Variants in ZCWPW2 observed in about 807,000 individuals in gnomAD.
The protein encoded by ZCWPW2 is zinc finger CW-type PWWP domain protein 2.
A neutral mutation model predicts 46.6 loss-of-function variants in ZCWPW2; 45 were observed. The observed-to-expected ratio is 0.96, with a 90% CI of 0.76 to 1.24. ZCWPW2 has a LOEUF of 1.24. Ranked by LOEUF, ZCWPW2 falls within the 50% of genes most tolerant of loss-of-function variation. The probability of loss-of-function intolerance (pLI) is 0.00; values close to 1 mark genes in which losing one functional copy is unlikely to be tolerated. For missense variants in ZCWPW2, 429 were observed against 403.9 expected, an observed-to-expected ratio of 1.06 and a Z score of -0.53; for synonymous variants, 152 against 137.1, an observed-to-expected ratio of 1.11 and a Z score of -0.76.
chr3:28,426,945 A>G (rs966982529), intron 3 of ZCWPW2, among the ~76,000 whole-genome samples: 3 of 152,194 alleles, frequency 2.0e-5, no homozygotes, highest in Non-Finnish European at 4.4e-5. Context: ...TGGATAACAA[A>G]TATGTAAGAC....
At chr3:28,394,621 G>A (rs988184528) in intron 2 of ZCWPW2, among the ~76,000 whole-genome samples, 1 of 152,038 alleles carries the variant, frequency 6.6e-6, no homozygotes, top group African/African-American at 2.4e-5. Flanking sequence ...ACAACCAATG[G>A]ATCTTTCACA....
intron 1 of ZCWPW2, among the ~76,000 whole-genome samples, chr3:28,372,537 C>A (rs1705370349): frequency 1.3e-5 from 2 of 152,080 alleles, no homozygotes; most frequent in African/African-American, 4.8e-5. Flanking sequence ...TACAGTGTAG[C>A]CATTGATATT....
intron 2 of ZCWPW2, among the ~76,000 whole-genome samples, chr3:28,402,930 C>G (rs1008285514): frequency 6.6e-6 from 1 of 152,116 alleles, no homozygotes; most frequent in African/African-American, 2.4e-5. Context: ...GACAAACTCA[C>G]AGTCAACATA....
At chr3:28,403,329 A>G (rs1696023632) in intron 2 of ZCWPW2, among the ~76,000 whole-genome samples, 1 of 152,168 alleles carries the variant, frequency 6.6e-6, no homozygotes, top group Non-Finnish European at 1.5e-5. Context: ...TTAGGAATAC[A>G]CCTAACCAAG....
At chr3:28,375,165 T>G (rs534727864) in intron 1 of ZCWPW2, among the ~76,000 whole-genome samples, 1 of 152,064 alleles carries the variant, frequency 6.6e-6, no homozygotes, top group Non-Finnish European at 1.5e-5. Flanking sequence ...TTTTTTTAGT[T>G]TTTTGTTTGT....
chr3:28,413,500 T>G, intron 3 of ZCWPW2, 100 bp downstream of exon 3: 1 of 1,066,974 alleles, frequency 9.4e-7, no homozygotes, highest in Non-Finnish European at 1.3e-6. Flanking sequence ...TTTTGTCTAC[T>G]TGTTTCTTGA....
chr3:28,489,070 A>G (rs1335195594), intron 5 of ZCWPW2, among the ~76,000 whole-genome samples: 2 of 152,162 alleles, frequency 1.3e-5, no homozygotes, highest in African/African-American at 2.4e-5. Flanking sequence ...TGAACACAAA[A>G]AGCTCCTTGA....
chr3:28,384,452 C>T (rs1216537231), intron 1 of ZCWPW2, among the ~76,000 whole-genome samples: 2 of 152,112 alleles, frequency 1.3e-5, no homozygotes, highest in Non-Finnish European at 2.9e-5. Context: ...ACATTCACTT[C>T]AGACTATGTA....
intron 1 of ZCWPW2, among the ~76,000 whole-genome samples, chr3:28,384,614 CT>C (rs1172954946): frequency 9.8e-4 from 136 of 139,400 alleles, no homozygotes; most frequent in South Asian, 8.1e-3. Context: ...ATCTTTCTTT[CT>C]TTTTTTTTTT....
chr3:28,390,056 C>G (rs1403347669), intron 1 of ZCWPW2, among the ~76,000 whole-genome samples: 1 of 152,156 alleles, frequency 6.6e-6, no homozygotes, highest in Non-Finnish European at 1.5e-5. Flanking sequence ...GCCAAGCTGA[C>G]ACATAAAATT....
chr3:28,428,910 TG>T (rs1159942423), intron 3 of ZCWPW2, among the ~76,000 whole-genome samples: 3 of 152,180 alleles, frequency 2.0e-5, no homozygotes, highest in Non-Finnish European at 2.9e-5. Flanking sequence ...CATGTGGAAC[TG>T]GGGAGTCAAT....
chr3:28,430,883 A>G (rs1258040910), intron 3 of ZCWPW2, among the ~76,000 whole-genome samples: 3 of 152,158 alleles, frequency 2.0e-5, no homozygotes, highest in Admixed American at 2.0e-4. Context: ...TAAGTTTCCT[A>G]AGGCCTCCCC....
chr3:28,508,361 T>G (rs1205481545), intron 6 of ZCWPW2, among the ~76,000 whole-genome samples: 5 of 152,170 alleles, frequency 3.3e-5, no homozygotes, highest in Non-Finnish European at 5.9e-5. Flanking sequence ...GAGTTAATTT[T>G]TTTTTAGCAT....
chr3:28,386,306 T>A (rs969301735), intron 1 of ZCWPW2, among the ~76,000 whole-genome samples: 5 of 151,978 alleles, frequency 3.3e-5, no homozygotes, highest in African/African-American at 9.7e-5. Flanking sequence ...GAGGCATCAG[T>A]CCGCAAGCCA....
At chr3:28,394,422 T>G (rs1473604683) in intron 2 of ZCWPW2, among the ~76,000 whole-genome samples, 2 of 152,094 alleles carry the variant, frequency 1.3e-5, no homozygotes, top group African/African-American at 4.8e-5. Flanking sequence ...AGTAAAATCC[T>G]AAAACTCCTT....
At chr3:28,441,104 A>G (rs756504115) in intron 4 of ZCWPW2, among the ~76,000 whole-genome samples, 44 of 152,166 alleles carry the variant, frequency 2.9e-4, no homozygotes, top group Non-Finnish European at 5.4e-4. Context: ...TTGGGTGATG[A>G]CAAAGATGAC....
At chr3:28,356,708 C>T (rs1215465548) in intron 1 of ZCWPW2, among the ~76,000 whole-genome samples, 1 of 152,140 alleles carries the variant, frequency 6.6e-6, no homozygotes, top group Non-Finnish European at 1.5e-5. Context: ...TTTGTAGGGA[C>T]ATGGATGAAG....
intron 5 of ZCWPW2, among the ~76,000 whole-genome samples, chr3:28,489,997 A>T (rs1699752557): frequency 6.6e-6 from 1 of 152,148 alleles, no homozygotes; most frequent in Non-Finnish European, 1.5e-5. Context: ...CCCCATTAAA[A>T]AGTGGGAAAA....
chr3:28,431,039 C>G (rs1389424669), intron 3 of ZCWPW2, among the ~76,000 whole-genome samples: 1 of 152,086 alleles, frequency 6.6e-6, no homozygotes, highest in East Asian at 1.9e-4. Context: ...TATTTTATAA[C>G]TTTGATATCA....
Sources: allele counts gnomAD v4.1 joint callset (sites outside exome capture counted in the v4.1 genomes callset), GRCh38; gene constraint gnomAD v4.1.1; transcripts MANE v1.5; gene names NCBI Gene and HGNC (gene_info 2026-07-23, HGNC 2026-07-21).